The following SEMA5A variants were observed in gnomAD, a reference collection of about 807,000 sequenced individuals.
The protein encoded by SEMA5A is semaphorin-5A.
SEMA5A carries 55 observed loss-of-function variants against 135.5 expected under a neutral mutation model. That is an observed-to-expected ratio of 0.41 (90% CI 0.33 to 0.51). The LOEUF (loss-of-function observed/expected upper bound fraction) is 0.51. Among genes scored for constraint, SEMA5A ranks in the 20% least tolerant of loss-of-function variants. The pLI is 0.37. For missense variants in SEMA5A, 1,290 were observed against 1,419.9 expected (o/e 0.91, Z 1.47); for synonymous variants, 580 against 546.5 (o/e 1.06, Z -0.85).
intron 5 of SEMA5A, among the ~76,000 whole-genome samples, chr5:9,250,524 C>T (rs931285478): frequency 6.6e-6 from 1 of 152,174 alleles, no homozygotes; most frequent in Non-Finnish European, 1.5e-5. Flanking sequence ...CGAATTCATA[C>T]AATGTTTTGA....
chr5:9,174,283 C>T (rs1206222736), intron 11 of SEMA5A, among the ~76,000 whole-genome samples: 1 of 152,174 alleles, frequency 6.6e-6, no homozygotes, highest in Non-Finnish European at 1.5e-5. Flanking sequence ...CCACTAATGA[C>T]TTCCAGGTGG....
intron 2 of SEMA5A, among the ~76,000 whole-genome samples, chr5:9,380,820 A>G (rs805153): frequency 0.45 from 68,083 of 152,104 alleles, 15,600 homozygotes; most frequent in Middle Eastern, 0.52. Flanking sequence ...TCAAGGGAGA[A>G]TACGACTGCT....
intron 8 of SEMA5A, among the ~76,000 whole-genome samples, chr5:9,203,889 T>C (rs1447862874): frequency 6.6e-6 from 1 of 152,170 alleles, no homozygotes; most frequent in Non-Finnish European, 1.5e-5. Context: ...GATAGTATGC[T>C]TTAATATCCT....
At chr5:9,401,762 A>T (rs1756669104) in intron 2 of SEMA5A, among the ~76,000 whole-genome samples, 1 of 152,202 alleles carries the variant, frequency 6.6e-6, no homozygotes. Context: ...TCCTTAAAAA[A>T]TTTAAAGATG....
At chr5:9,272,131 C>T (rs1396638669) in intron 5 of SEMA5A, among the ~76,000 whole-genome samples, 1 of 152,108 alleles carries the variant, frequency 6.6e-6, no homozygotes, top group Admixed American at 6.5e-5. Context: ...ATTTTCACTG[C>T]TAGCACAGCT....
At chr5:9,076,185 G>A (rs1261963484) in intron 16 of SEMA5A, among the ~76,000 whole-genome samples, 7 of 130,590 alleles carry the variant, frequency 5.4e-5, no homozygotes, top group Non-Finnish European at 1.1e-4. Flanking sequence ...AACCTGGTGA[G>A]AGAGTGAGAC....
intron 11 of SEMA5A, among the ~76,000 whole-genome samples, chr5:9,174,761 C>A (rs200349887): frequency 6.6e-6 from 1 of 152,216 alleles, no homozygotes; most frequent in East Asian, 1.9e-4. Context: ...AATTTGACTT[C>A]TATGATTAGC....
chr5:9,234,355 T>C (rs1352459552), intron 6 of SEMA5A, among the ~76,000 whole-genome samples: 2 of 152,194 alleles, frequency 1.3e-5, no homozygotes, highest in East Asian at 3.9e-4. Context: ...ATCATGGTCA[T>C]TGTTCAGTTA....
In SEMA5A at chr5:9,322,764, C is replaced by G. The variant is rs568465638; in HGVS notation, c.225-4347G>C. Among the ~76,000 whole-genome samples the G allele has an allele frequency of 2.0e-5, 3 of 152,202 alleles. No homozygotes were observed. In the East Asian group the frequency reaches 5.8e-4, roughly 29 times the overall value. On this transcript the variant is annotated intron_variant, in intron 4 of 22. Coordinates refer to ENST00000382496, the MANE Select transcript of SEMA5A (RefSeq NM_003966.3). ...CCCCCGTGTCTTGGTGTCCTTTGTC[C>G]CATTATGCCTCAAGGCCCCACCTAT...
At chr5:9,237,080 T>C (rs763523363) in intron 6 of SEMA5A, among the ~76,000 whole-genome samples, 1 of 152,176 alleles carries the variant, frequency 6.6e-6, no homozygotes, top group Non-Finnish European at 1.5e-5. Context: ...CTGTCTTCTG[T>C]AACCCAAAGC....
intron 11 of SEMA5A, among the ~76,000 whole-genome samples, chr5:9,154,940 T>A (rs554151719): frequency 6.6e-6 from 1 of 150,430 alleles, no homozygotes; most frequent in Admixed American, 6.6e-5. Context: ...TGAGGACTAA[T>A]CATGTCCGAT....
chr5:9,088,922 G>A (rs569148611), intron 16 of SEMA5A, among the ~76,000 whole-genome samples: 172 of 152,250 alleles, frequency 1.1e-3, no homozygotes, highest in Admixed American at 0.011. Flanking sequence ...ACATGGCACA[G>A]TCTGATAGCT....
chr5:9,175,662 C>T (rs188347057), intron 11 of SEMA5A, among the ~76,000 whole-genome samples: 209 of 152,166 alleles, frequency 1.4e-3, no homozygotes, highest in African/African-American at 4.9e-3. Flanking sequence ...AAAATAACTC[C>T]GTTTGGTGGA....
intron 8 of SEMA5A, among the ~76,000 whole-genome samples, chr5:9,215,726 G>A (rs1367998729): frequency 2.6e-5 from 4 of 152,048 alleles, no homozygotes; most frequent in Admixed American, 2.6e-4. Context: ...TATTTCTGTG[G>A]GTTCAGCGGT....
intron 12 of SEMA5A, among the ~76,000 whole-genome samples, chr5:9,139,088 A>T (rs1482114834): frequency 6.6e-6 from 1 of 152,128 alleles, no homozygotes; most frequent in Non-Finnish European, 1.5e-5. Flanking sequence ...TCATATAATG[A>T]CTTCTTCTCC....
intron 3 of SEMA5A, among the ~76,000 whole-genome samples, chr5:9,365,438 G>C (rs921772746): frequency 7.9e-5 from 12 of 152,236 alleles, no homozygotes; most frequent in African/African-American, 2.9e-4. Flanking sequence ...TACTGATCCT[G>C]TCTTTATTTA....
At chr5:9,383,384 T>G (rs145487031) in intron 2 of SEMA5A, among the ~76,000 whole-genome samples, 80 of 152,304 alleles carry the variant, frequency 5.3e-4, no homozygotes, top group Non-Finnish European at 9.4e-4. Context: ...TCAGTTCGGG[T>G]AAATTATCAC....
intron 16 of SEMA5A, among the ~76,000 whole-genome samples, chr5:9,102,281 G>T (rs1200928616): frequency 6.6e-6 from 1 of 152,202 alleles, no homozygotes; most frequent in South Asian, 2.1e-4. Flanking sequence ...ACACACCATT[G>T]CAAGGAGGTT....
At chr5:9,499,712 A>G (rs1421594901) in intron 1 of SEMA5A, among the ~76,000 whole-genome samples, 1 of 152,216 alleles carries the variant, frequency 6.6e-6, no homozygotes, top group African/African-American at 2.4e-5. Flanking sequence ...CTACAGCAAT[A>G]GCAGATAAAT....
Sources: gnomAD v4.1 joint callset for allele counts (sites outside exome capture counted in the v4.1 genomes callset) on GRCh38, gnomAD v4.1.1 for gene constraint, MANE v1.5 for transcripts, NCBI Gene and HGNC (gene_info 2026-07-23, HGNC 2026-07-21) for gene names.